The following PDE4B variants were observed in gnomAD, a reference collection of about 807,000 sequenced individuals.
The protein encoded by PDE4B is phosphodiesterase 4B.
A neutral mutation model predicts 82.2 loss-of-function variants in PDE4B; 20 were observed. The observed-to-expected ratio is 0.24, with a 90% confidence interval of 0.17 to 0.35. The LOEUF (loss-of-function observed/expected upper bound fraction) is 0.35, where lower values mean the gene tolerates loss of function less well. Ranked by LOEUF, PDE4B falls within the 10% of genes least tolerant of loss-of-function variation. The pLI is 1.00. For missense variants in PDE4B, 655 were observed against 907.2 expected (o/e 0.72, Z 3.57); for synonymous variants, 320 against 318.9 (o/e 1.00, Z -0.04).
intron 9 of PDE4B, among the ~76,000 whole-genome samples, chr1:66,358,323 A>G (rs149979723): frequency 3.9e-5 from 6 of 152,316 alleles, no homozygotes; most frequent in Non-Finnish European, 7.3e-5. Flanking sequence ...TAACTGATAC[A>G]TATATCATTT....
intron 8 of PDE4B, among the ~76,000 whole-genome samples, chr1:66,338,817 G>A (rs1191814045): frequency 6.6e-6 from 1 of 151,968 alleles, no homozygotes; most frequent in East Asian, 1.9e-4. Context: ...AGGATATCGA[G>A]ACCATCCCGG....
chr1:66,225,040 C>T (rs1398963266), intron 3 of PDE4B, among the ~76,000 whole-genome samples: 2 of 152,222 alleles, frequency 1.3e-5, no homozygotes, highest in African/African-American at 4.8e-5. Context: ...TTCCACTGTA[C>T]TCTGGACACC....
At position 66,247,542 on chromosome 1, in the gene PDE4B, G is replaced by A. The variant is rs375693073; in HGVS notation, c.364G>A (p.Ala122Thr). The A allele has an allele frequency of 1.1e-5, 18 of 1,612,564 alleles. No homozygotes were observed. The highest frequency in any genetic ancestry group is 1.6e-4 in the Middle Eastern group (1 of 6,070). Residue 122 changes from alanine (A) to threonine (T), a missense_variant, in exon 4 of 17, where the codon GCC becomes ACC. By Grantham distance (58) the Ala-to-Thr change is moderately conservative. This residue lies in a region of PDE4B where 253 missense variants were observed against 275.6 expected (regional missense o/e 0.92). Coordinates refer to ENST00000341517, the MANE Select transcript of PDE4B (RefSeq NM_002600.4). Reference protein sequence around the residue: ...ASSSAGLVLHATFPGHSQRRE... With the variant: ...ASSSAGLVLHTTFPGHSQRRE... ...CTCTTCCGCTGGGCTGGTACTTCACGCCACCTTTCCTGGGCACAGCCAGCG... is the reference window on the plus strand; with the variant it reads ...CTCTTCCGCTGGGCTGGTACTTCACACCACCTTTCCTGGGCACAGCCAGCG...
intron 1 of PDE4B, among the ~76,000 whole-genome samples, chr1:65,804,878 A>G (rs925213801): frequency 2.7e-5 from 4 of 145,974 alleles, no homozygotes; most frequent in African/African-American, 1.0e-4. Flanking sequence ...TATTTTTAAA[A>G]ATTCCTTAAT....
intron 1 of PDE4B, among the ~76,000 whole-genome samples, chr1:65,822,886 A>G (rs1645970018): frequency 6.6e-6 from 1 of 152,164 alleles, no homozygotes; most frequent in African/African-American, 2.4e-5. Flanking sequence ...AGTCTGTGAT[A>G]TTTTGTTATA....
At chr1:66,356,418 T>G (rs912636138) in intron 9 of PDE4B, among the ~76,000 whole-genome samples, 8 of 152,232 alleles carry the variant, frequency 5.3e-5, no homozygotes, top group African/African-American at 1.9e-4. Context: ...ATTTAAGAAG[T>G]CCTACAGAAT....
chr1:66,261,579 C>T (rs1654685154), intron 6 of PDE4B, among the ~76,000 whole-genome samples: 1 of 152,220 alleles, frequency 6.6e-6, no homozygotes, highest in South Asian at 2.1e-4. Context: ...GGAAAAGGAA[C>T]TCCCACATAG....
chr1:66,007,349 T>C (rs2489908), intron 3 of PDE4B, among the ~76,000 whole-genome samples: 151,026 of 152,162 alleles, frequency 0.99, 74,960 homozygotes, highest in Middle Eastern at 1. Flanking sequence ...GAGGCTGAGG[T>C]GGGAGAATTG....
intron 3 of PDE4B, among the ~76,000 whole-genome samples, chr1:66,051,668 C>T (rs905211003): frequency 6.6e-6 from 1 of 151,916 alleles, no homozygotes; most frequent in Non-Finnish European, 1.5e-5. Flanking sequence ...TACTTTTGAC[C>T]TTCAAAAACA....
chr1:66,029,087 A>G (rs1193511067), intron 3 of PDE4B, among the ~76,000 whole-genome samples: 4 of 152,190 alleles, frequency 2.6e-5, no homozygotes, highest in Non-Finnish European at 5.9e-5. Context: ...CAAGACTGGG[A>G]AGGAAAAAAA....
chr1:66,361,453 A>G (rs1214593415), intron 9 of PDE4B, among the ~76,000 whole-genome samples, 162 bp from the exon 10 acceptor site: 1 of 152,154 alleles, frequency 6.6e-6, no homozygotes, highest in Admixed American at 6.5e-5. Flanking sequence ...TATTTTCCCC[A>G]CTTACTTTAT....
chr1:66,060,455 A>T (rs539207772), intron 3 of PDE4B, among the ~76,000 whole-genome samples: 7 of 152,320 alleles, frequency 4.6e-5, no homozygotes, highest in African/African-American at 1.7e-4. Context: ...TTAGCCAGAC[A>T]TGTGAATATT....
At chr1:66,371,491 A>G (rs985775522) in intron 16 of PDE4B, among the ~76,000 whole-genome samples, 3 of 152,136 alleles carry the variant, frequency 2.0e-5, no homozygotes, top group Non-Finnish European at 4.4e-5. Context: ...GCCCCTGAGT[A>G]AACCATAACA....
intron 3 of PDE4B, among the ~76,000 whole-genome samples, chr1:65,924,752 A>G (rs1008766463): frequency 1.3e-5 from 2 of 152,180 alleles, no homozygotes; most frequent in Admixed American, 1.3e-4. Flanking sequence ...GACAGGCTCA[A>G]TTCCTGGCTG....
intron 3 of PDE4B, among the ~76,000 whole-genome samples, chr1:65,948,291 C>T (rs1346473129): frequency 1.3e-5 from 2 of 151,622 alleles, no homozygotes; most frequent in Non-Finnish European, 2.9e-5. Context: ...ATGTATTAGT[C>T]AGGGTTCTCT....
intron 3 of PDE4B, among the ~76,000 whole-genome samples, chr1:66,119,518 C>T (rs1014356298): frequency 3.3e-5 from 5 of 152,178 alleles, no homozygotes; most frequent in Non-Finnish European, 7.3e-5. Context: ...CTAGCATTCT[C>T]TATAAACCAA....
intron 1 of PDE4B, among the ~76,000 whole-genome samples, chr1:65,808,127 G>A (rs1645777449): frequency 6.6e-6 from 1 of 151,524 alleles, no homozygotes; most frequent in Admixed American, 6.6e-5. Context: ...AGTCAGTGAG[G>A]ATTAAAGGGA....
At chr1:66,133,174 C>T (rs1048161962) in intron 3 of PDE4B, among the ~76,000 whole-genome samples, 1 of 152,020 alleles carries the variant, frequency 6.6e-6, no homozygotes, top group Non-Finnish European at 1.5e-5. Context: ...GGAAGGTTGC[C>T]TCTGTTTTTT....
intron 3 of PDE4B, among the ~76,000 whole-genome samples, chr1:66,206,581 C>T (rs891668550): frequency 1.3e-4 from 20 of 152,182 alleles, no homozygotes; most frequent in Non-Finnish European, 2.1e-4. Context: ...TACTGTAAAA[C>T]GTGGATCACA....
Sources: gnomAD v4.1 joint callset for allele counts (sites outside exome capture counted in the v4.1 genomes callset) on GRCh38, gnomAD v4.1.1 for gene constraint, gnomAD v4.1.1 regional missense constraint, MANE v1.5 for transcripts, NCBI Gene and HGNC (gene_info 2026-07-23, HGNC 2026-07-21) for gene names.